FRMD4B: variants seen among roughly 807,000 people sequenced by gnomAD.
The protein encoded by FRMD4B is FERM domain containing 4B, also known as FERM domain-containing protein 4B.
FRMD4B carries 74 observed loss-of-function variants against 141.5 expected under a neutral mutation model. That is an observed-to-expected ratio of 0.52 (90% CI 0.43 to 0.63). The LOEUF is 0.63. FRMD4B is among the 30% of genes least tolerant of loss of function. The pLI, the probability that FRMD4B is intolerant of heterozygous loss-of-function variation, is 0.00. For missense variants in FRMD4B, 1,366 were observed against 1,253.4 expected (o/e 1.09, Z -1.36); for synonymous variants, 506 against 467.9 (o/e 1.08, Z -1.05).
intron 1 of FRMD4B, among the ~76,000 whole-genome samples, chr3:69,456,529 A>T (rs946369820): frequency 1.3e-5 from 2 of 151,832 alleles, no homozygotes; most frequent in African/African-American, 4.9e-5. Flanking sequence ...TAGAAAGCTG[A>T]TTTTTCTCCA....
intron 1 of FRMD4B, among the ~76,000 whole-genome samples, chr3:69,501,467 T>A (rs532630354): frequency 6.6e-6 from 1 of 152,148 alleles, no homozygotes; most frequent in African/African-American, 2.4e-5. Context: ...AATGAACATC[T>A]GCAGAGGCCT....
At chr3:69,196,176 T>A (rs2092901453) in intron 14 of FRMD4B, 79 bp downstream of exon 14, 1 of 1,065,212 alleles carries the variant, frequency 9.4e-7, no homozygotes, top group Admixed American at 2.7e-5. Flanking sequence ...GATTAAAAGA[T>A]GAATTTCGAA....
At chr3:69,197,435 A>G (rs2092919328) in intron 12 of FRMD4B, among the ~76,000 whole-genome samples, 5 of 152,178 alleles carry the variant, frequency 3.3e-5, no homozygotes, top group African/African-American at 1.2e-4. Flanking sequence ...AAGGTAAAAG[A>G]GCATTTCAGA....
intron 19 of FRMD4B, among the ~76,000 whole-genome samples, chr3:69,184,563 T>C (rs571361829): frequency 7.2e-5 from 11 of 152,360 alleles, no homozygotes; most frequent in African/African-American, 2.4e-4. Context: ...ATGTAGTTAG[T>C]TAATTCAGTA....
At chr3:69,192,957 A>G (rs2092856289) in intron 17 of FRMD4B, among the ~76,000 whole-genome samples, 1 of 151,758 alleles carries the variant, frequency 6.6e-6, no homozygotes, top group African/African-American at 2.4e-5. Flanking sequence ...GGCTGGGACT[A>G]CAGGTATGTA....
chr3:69,225,726 AAAGAG>A (rs59662301), intron 7 of FRMD4B, among the ~76,000 whole-genome samples: 2,027 of 43,036 alleles, frequency 0.047, 448 homozygotes, highest in South Asian at 0.17. Flanking sequence ...AAAAAAAAAA[AAAGAG>A]GGAGAACACG....
At chr3:69,514,560 C>T (rs139442209) in intron 1 of FRMD4B, among the ~76,000 whole-genome samples, 112 of 152,074 alleles carry the variant, frequency 7.4e-4, no homozygotes, top group African/African-American at 2.4e-3. Context: ...TGGTGGTGGG[C>T]ACCTGTTGTC....
At chr3:69,298,252 A>G (rs1158183527) in intron 4 of FRMD4B, among the ~76,000 whole-genome samples, 1 of 152,180 alleles carries the variant, frequency 6.6e-6, no homozygotes, top group East Asian at 1.9e-4. Flanking sequence ...ATTTTCTTAC[A>G]TTTGCATAAT....
chr3:69,171,876 A>G lies in FRMD4B; in HGVS notation c.3090T>C (p.Pro1030=). ...QRLFWHEDSK[P]GTLV is the part of the protein sequence containing the mutation. Reference sequence around the variant, plus strand: ...CAACTGCAGTTCAGACTAATGTTCCAGGCTTTGAATCTTCATGCCAAAAGA... The same window carrying G: ...CAACTGCAGTTCAGACTAATGTTCCGGGCTTTGAATCTTCATGCCAAAAGA... Residue 1030 remains proline, a synonymous_variant, in exon 23 of 23, where the codon CCT becomes CCC. Transcript: ENST00000398540. 1.2e-6 allele frequency: 2 copies of G among 1,612,604 alleles called. No homozygotes were observed. Among genetic ancestry groups the G allele is most frequent in the Non-Finnish European group, 1.7e-6 (2 of 1,178,912 alleles).
intron 2 of FRMD4B, among the ~76,000 whole-genome samples, chr3:69,421,256 C>A (rs1316454119): frequency 2.0e-5 from 3 of 152,218 alleles, no homozygotes; most frequent in Non-Finnish European, 4.4e-5. Flanking sequence ...GGTGCCAGCT[C>A]TAGTATTAAT....
intron 2 of FRMD4B, among the ~76,000 whole-genome samples, chr3:69,425,045 C>T (rs537732949): frequency 6.6e-6 from 1 of 152,266 alleles, no homozygotes; most frequent in South Asian, 2.1e-4. Flanking sequence ...GTGACTTAGG[C>T]AAATAGGAAG....
chr3:69,381,541 A>C (rs930723121), intron 1 of FRMD4B, among the ~76,000 whole-genome samples: 4 of 152,166 alleles, frequency 2.6e-5, no homozygotes, highest in African/African-American at 9.7e-5. Context: ...AGATCATCTA[A>C]AATTTGGTTC....
rs112432461 is a variant in FRMD4B, at chr3:69,299,107, C to T, written c.416+3236G>A. ...ATTTTTGCCTTCTTCACTATCGGGT[C>T]CTCAGACCTAGAATGGGGCAGAACA... On this transcript the variant is annotated intron_variant, in intron 4 of 22. Coordinates refer to ENST00000398540, the MANE Select transcript of FRMD4B (RefSeq NM_015123.3). Among the ~76,000 whole-genome samples the T allele has an allele frequency of 3.8e-3, 585 of 152,144 alleles. 6 individuals are homozygous for T. Among genetic ancestry groups the T allele is most frequent in the African/African-American group, 0.013 (560 of 41,492 alleles).
At chr3:69,337,662 T>G (rs928247845) in intron 1 of FRMD4B, among the ~76,000 whole-genome samples, 1 of 152,188 alleles carries the variant, frequency 6.6e-6, no homozygotes, top group Non-Finnish European at 1.5e-5. Context: ...GAACAGACAC[T>G]TCTCAAAAGA....
At chr3:69,418,249 C>T (rs1032554602) in intron 2 of FRMD4B, among the ~76,000 whole-genome samples, 5 of 152,212 alleles carry the variant, frequency 3.3e-5, no homozygotes, top group South Asian at 2.1e-4. Flanking sequence ...AAAATATACA[C>T]GGTGTACATA....
chr3:69,464,127 A>G (rs913244957), intron 1 of FRMD4B, among the ~76,000 whole-genome samples: 7 of 152,184 alleles, frequency 4.6e-5, no homozygotes, highest in African/African-American at 9.6e-5. Flanking sequence ...CTCAATTCTG[A>G]GGTTATAGCA....
chr3:69,222,927 G>A (rs1313563983), intron 8 of FRMD4B, among the ~76,000 whole-genome samples: 3 of 152,150 alleles, frequency 2.0e-5, no homozygotes, highest in African/African-American at 4.8e-5. Context: ...TGAGCCTAAG[G>A]CCTATCCTCT....
chr3:69,175,205 T>C (rs1026940414), intron 22 of FRMD4B, among the ~76,000 whole-genome samples: 2 of 152,202 alleles, frequency 1.3e-5, no homozygotes, highest in Admixed American at 1.3e-4. Flanking sequence ...ACTTAGTATG[T>C]AGTCTGTGTC....
At chr3:69,338,033 T>A (rs1002349468) in intron 1 of FRMD4B, among the ~76,000 whole-genome samples, 17 of 152,152 alleles carry the variant, frequency 1.1e-4, no homozygotes, top group African/African-American at 1.9e-4. Context: ...CACTATTCAC[T>A]ATAGCAAAGA....
Sources: allele counts gnomAD v4.1 joint callset (sites outside exome capture counted in the v4.1 genomes callset), GRCh38; gene constraint gnomAD v4.1.1; transcripts MANE v1.5; gene names NCBI Gene and HGNC (gene_info 2026-07-23, HGNC 2026-07-21).